The following CCL28 variants were observed in gnomAD, a reference collection of about 807,000 sequenced individuals.
The protein encoded by CCL28 is C-C motif chemokine 28.
A neutral mutation model predicts 7.1 loss-of-function variants in CCL28; 4 were observed. The observed-to-expected ratio is 0.56, with a 90% confidence interval of 0.28 to 1.29. CCL28 has a LOEUF of 1.29. Ranked by LOEUF, CCL28 falls within the 50% of genes most tolerant of loss-of-function variation. CCL28 has a pLI of 0.11. For missense variants in CCL28, 151 were observed against 163.4 expected, an observed-to-expected ratio of 0.92 and a Z score of 0.41; for synonymous variants, 55 against 57.8, an observed-to-expected ratio of 0.95 and a Z score of 0.22.
In CCL28 at chr5:43,381,757, T is replaced by C; in HGVS notation, c.*103A>G. On this transcript the variant is annotated 3_prime_UTR_variant, in exon 3 of 3. Coordinates refer to ENST00000361115, the MANE Select transcript of CCL28 (RefSeq NM_148672.3). ...TTTTTTAAAAACCAATATTTTGTTT[T>C]GTTCTGTTGTCTACAATAAGGAGAA... 1.0e-6 allele frequency: 1 copy of C among 966,568 alleles called. No individual in the cohort carries two copies. The highest frequency in any genetic ancestry group is 1.6e-6 in the Non-Finnish European group (1 of 642,006). The allele number at this position is 966,568 out of a possible 1,614,324, so 59.9% of individuals were successfully genotyped here.
chr5:43,402,731 T>G (rs1255821140), intron 1 of CCL28, among the ~76,000 whole-genome samples: 1 of 152,178 alleles, frequency 6.6e-6, no homozygotes, highest in African/African-American at 2.4e-5. Context: ...ACCCAGGAAG[T>G]GCAAGGGGTC....
chr5:43,396,379 A>G (rs899975583), intron 1 of CCL28, among the ~76,000 whole-genome samples: 12 of 152,072 alleles, frequency 7.9e-5, no homozygotes, highest in Admixed American at 7.2e-4. Flanking sequence ...GTGCTGACCT[A>G]TGTCATCCTG....
the CCL28 span, among the ~76,000 whole-genome samples, chr5:43,366,420 C>T: frequency 3.9e-5 from 6 of 152,340 alleles, no homozygotes; most frequent in East Asian, 5.8e-4. Context: ...AACAGTCAGG[C>T]TCCTCTTCTG....
At chr5:43,372,958 G>A (rs944434278), downstream of CCL28, among the ~76,000 whole-genome samples, 2 of 150,432 alleles carry the variant, frequency 1.3e-5, no homozygotes, top group Non-Finnish European at 3.0e-5. Flanking sequence ...TCACCACCAC[G>A]CCCGGCTAAT....
At chr5:43,393,109 T>G (rs1200447587) in intron 1 of CCL28, among the ~76,000 whole-genome samples, 1 of 152,200 alleles carries the variant, frequency 6.6e-6, no homozygotes, top group Admixed American at 6.5e-5. Flanking sequence ...AGAACTATAG[T>G]GGTAAATGAA....
chr5:43,394,401 T>C (rs1160112419), intron 1 of CCL28, among the ~76,000 whole-genome samples: 1 of 152,214 alleles, frequency 6.6e-6, no homozygotes, highest in Non-Finnish European at 1.5e-5. Context: ...AGTTTACAAC[T>C]AAGATCTGAA....
rs1320645477 is a variant in CCL28 at position 43,411,832 on chromosome 5, C to G, written c.64+421G>C. 3.3e-5 allele frequency among the ~76,000 whole-genome samples: 5 copies of G among 152,244 alleles called. No homozygotes were observed. In the East Asian group the frequency reaches 9.6e-4, roughly 29 times the overall value. On this transcript the variant is annotated intron_variant, in intron 1 of 2. Coordinates refer to ENST00000361115, the MANE Select transcript of CCL28 (RefSeq NM_148672.3). ...TACAACTTACCTAATTTGAACGCAG[C>G]TGGCCAAGTCTGTATTTCCCTCCAG...
At chr5:43,396,252 T>A (rs1478934639) in intron 1 of CCL28, among the ~76,000 whole-genome samples, 2 of 151,624 alleles carry the variant, frequency 1.3e-5, no homozygotes, top group Non-Finnish European at 2.9e-5. Context: ...CTGATGGGAG[T>A]GTAGTAGTGA....
At chr5:43,365,832 T>C in the CCL28 span, among the ~76,000 whole-genome samples, 18 of 152,202 alleles carry the variant, frequency 1.2e-4, no homozygotes, top group African/African-American at 3.6e-4. Context: ...TGTAGTCCCA[T>C]ATTTCTTGGA....
the CCL28 span, among the ~76,000 whole-genome samples, chr5:43,362,930 C>T: frequency 1.3e-5 from 2 of 152,318 alleles, no homozygotes; most frequent in Non-Finnish European, 2.9e-5. Context: ...AGTTGTCACC[C>T]GTGATCTACA....
At chr5:43,362,909 C>T in the CCL28 span, among the ~76,000 whole-genome samples, 3 of 151,844 alleles carry the variant, frequency 2.0e-5, no homozygotes, top group Non-Finnish European at 4.4e-5. Context: ...TTCAGGGAAT[C>T]AGAACCTTGC....
chr5:43,410,197 C>T (rs1209321246), intron 1 of CCL28, among the ~76,000 whole-genome samples: 1 of 152,178 alleles, frequency 6.6e-6, no homozygotes, highest in Non-Finnish European at 1.5e-5. Context: ...TACCTTCCTC[C>T]CTCCCCACTT....
At chr5:43,400,888 CCTGA>C (rs1740998935) in intron 1 of CCL28, among the ~76,000 whole-genome samples, 1 of 151,902 alleles carries the variant, frequency 6.6e-6, no homozygotes, top group Non-Finnish European at 1.5e-5. Context: ...TTCGAGACAG[CCTGA>C]CTAACATGGT....
At chr5:43,385,025 T>TA (rs1392695444) in intron 2 of CCL28, among the ~76,000 whole-genome samples, 1 of 151,752 alleles carries the variant, frequency 6.6e-6, no homozygotes, top group Non-Finnish European at 1.5e-5. Context: ...GCCTCCCGAG[T>TA]AGCTGGGACT....
At chr5:43,394,512 C>T (rs1038876004) in intron 1 of CCL28, among the ~76,000 whole-genome samples, 7 of 152,048 alleles carry the variant, frequency 4.6e-5, no homozygotes, top group African/African-American at 9.7e-5. Flanking sequence ...AAGATAATGT[C>T]GTATATCTTA....
intron 1 of CCL28, among the ~76,000 whole-genome samples, chr5:43,395,964 C>T (rs529351013): frequency 6.6e-6 from 1 of 151,400 alleles, no homozygotes; most frequent in Non-Finnish European, 1.5e-5. Flanking sequence ...CTCCGCCTCC[C>T]AGGTTCACGC....
intron 1 of CCL28, among the ~76,000 whole-genome samples, chr5:43,399,769 C>T (rs534119266): frequency 6.6e-6 from 1 of 151,896 alleles, no homozygotes; most frequent in Admixed American, 6.6e-5. Flanking sequence ...CATTTGTTCA[C>T]TATATGTAAT....
chr5:43,364,290 A>G, the CCL28 span, among the ~76,000 whole-genome samples: 3 of 133,068 alleles, frequency 2.3e-5, no homozygotes, highest in Non-Finnish European at 5.0e-5. Flanking sequence ...ATTTTCCACA[A>G]AAGCAAAACT....
chr5:43,359,478 G>T, the CCL28 span, among the ~76,000 whole-genome samples: 1 of 152,168 alleles, frequency 6.6e-6, no homozygotes, highest in African/African-American at 2.4e-5. Flanking sequence ...GTGGTTTTCT[G>T]CCCTGGGTCG....
Sources: allele counts gnomAD v4.1 joint callset (sites outside exome capture counted in the v4.1 genomes callset), GRCh38; gene constraint gnomAD v4.1.1; transcripts MANE v1.5; gene names NCBI Gene and HGNC (gene_info 2026-07-23, HGNC 2026-07-21).